GEMIN5: variants seen among roughly 807,000 people sequenced by gnomAD.
GEMIN5 encodes the protein gem-associated protein 5.
Under a neutral mutation model 176.9 loss-of-function variants are expected in GEMIN5, and 124 were observed. The observed-to-expected ratio is 0.70, with a 90% CI of 0.61 to 0.81. The LOEUF is 0.81. Among genes scored for constraint, GEMIN5 ranks in the 40% least tolerant of loss-of-function variants. The pLI is 0.00. For synonymous variants in GEMIN5, 673 were observed against 665.2 expected (o/e 1.01, Z -0.18); for missense variants, 1,843 against 1,814.6 (o/e 1.02, Z -0.28).
chr5:154,889,175 C>T, intron 27 of GEMIN5, 146 bp downstream of exon 27: 1 of 543,776 alleles, frequency 1.8e-6, no homozygotes, highest in South Asian at 2.6e-5. Flanking sequence ...CACGCCCAGC[C>T]TGGATTCTAA....
chr5:154,913,116 T>C, intron 13 of GEMIN5, 78 bp from the exon 14 acceptor site: 1 of 1,203,026 alleles, frequency 8.3e-7, no homozygotes, highest in Non-Finnish European at 1.2e-6. Flanking sequence ...AGGAAGGCAT[T>C]CACATGACAA....
chr5:154,888,393 A>G lies in GEMIN5; in HGVS notation c.4360-16T>C. 25 of 1,607,632 alleles carry G rather than the reference A, an allele frequency of 1.6e-5. No individual in the cohort carries two copies. Among genetic ancestry groups the G allele is most frequent in the Non-Finnish European group, 2.0e-5 (24 of 1,176,718 alleles). Reference sequence around the variant, plus strand: ...AGGGCCAGGCCTGAAAGACGATGACATGAGGATGAATAAGGAAGCATTTGC... The same window carrying G: ...AGGGCCAGGCCTGAAAGACGATGACGTGAGGATGAATAAGGAAGCATTTGC... On this transcript the variant is annotated splice_polypyrimidine_tract_variant and intron_variant, in intron 27 of 27. Transcript: ENST00000285873.
At position 154,907,811 on chromosome 5, in the gene GEMIN5, T is replaced by G. The variant is rs775734420; in HGVS notation, c.2175A>C (p.Lys725Asn). 5 of 1,612,120 alleles carry G rather than the reference T, an allele frequency of 3.1e-6. No individual in the cohort carries two copies. The highest frequency in any genetic ancestry group is 4.2e-6 in the Non-Finnish European group (5 of 1,178,856). Residue 725 changes from lysine to asparagine, a missense_variant, in exon 16 of 28, where the codon AAA becomes AAC. Transcript: ENST00000285873. ...GCCGTTTTTTCTCCAATTCAATACT[T>G]TTTTTGCCTACAAGAATCACAATAA... ...QDHSRPPQGK[K>N]SIELEKKRLS...
rs1764065906 is a variant in GEMIN5 at position 154,927,445 on chromosome 5, T to C, written c.1020A>G (p.Leu340=). 1 of 1,597,722 alleles carries C rather than the reference T, an allele frequency of 6.3e-7. No individual in the cohort carries two copies. The highest frequency in any genetic ancestry group is 1.1e-5 in the South Asian group (1 of 90,790). ...GQNHSRIVFN[L]CPLQTEDDKQ... is the part of the protein sequence containing the mutation. ...TGTCATCCTCTGTTTGTAAAGGACA[T>C]AAATTAAACACAATTCTTGAATGAT... The change falls in exon 7 of 28, where the codon TTA becomes TTG. Residue 340 remains leucine (L), a synonymous_variant. Transcript: ENST00000285873.
chr5:154,935,139 G>A (rs1450492756), intron 3 of GEMIN5, among the ~76,000 whole-genome samples: 1 of 152,076 alleles, frequency 6.6e-6, no homozygotes, highest in African/African-American at 2.4e-5. Flanking sequence ...CAGGTCCCTG[G>A]TATTTTCCAT....
rs1228983621 is a variant in GEMIN5 at position 154,917,166 on chromosome 5, A to G, written c.1687T>C (p.Phe563Leu). The change falls in exon 13 of 28, where the codon TTT (phenylalanine) becomes CTT (leucine). Residue 563 changes from phenylalanine to leucine, a missense_variant. Phe to Leu is a conservative substitution (Grantham distance 22). Coordinates refer to ENST00000285873, the MANE Select transcript of GEMIN5 (RefSeq NM_015465.5). ...LGNEDGSIEIFQIPNLKLICT... is the reference protein window; with the variant it reads ...LGNEDGSIEILQIPNLKLICT... ...ATCAGTTTCAGGTTGGGAATCTGAA[A>G]TATTTCTATTGATCTGGAATAAGAA... The G allele has an allele frequency of 3.3e-6, 5 of 1,502,032 alleles. No individual in the cohort carries two copies. The highest frequency in any genetic ancestry group is 4.5e-6 in the Non-Finnish European group (5 of 1,108,364). The allele number at this position is 1,502,032 out of a possible 1,614,324, so 93.0% of individuals were successfully genotyped here.
chr5:154,901,864 A>G (rs1398654034), intron 20 of GEMIN5, among the ~76,000 whole-genome samples: 1 of 152,066 alleles, frequency 6.6e-6, no homozygotes, highest in East Asian at 1.9e-4. Flanking sequence ...CAGTAGCACA[A>G]TAATGGCTCA....
At chr5:154,891,045 T>C (rs941007654) in intron 26 of GEMIN5, among the ~76,000 whole-genome samples, 196 bp downstream of exon 26, 19 of 144,656 alleles carry the variant, frequency 1.3e-4, no homozygotes, top group Non-Finnish European at 2.4e-4. Context: ...CGTGATCCAC[T>C]GTGCCCGGGC....
intron 10 of GEMIN5, among the ~76,000 whole-genome samples, chr5:154,920,603 G>T (rs773142560): frequency 3.5e-4 from 53 of 152,296 alleles, no homozygotes; most frequent in Non-Finnish European, 5.1e-4. Context: ...TTCTATAAGA[G>T]CAAGTTTTAC....
chr5:154,915,541 G>A (rs183841932), intron 13 of GEMIN5, among the ~76,000 whole-genome samples: 1 of 152,310 alleles, frequency 6.6e-6, no homozygotes, highest in Admixed American at 6.5e-5. Flanking sequence ...GCATGGAATA[G>A]TACTTGCTAG....
Position 154,910,313 on chromosome 5 carries a change from T to C in GEMIN5, c.2167+1414A>G, listed in dbSNP as rs534505093. Among the ~76,000 whole-genome samples, 7 of 149,642 alleles carry C rather than the reference T, an allele frequency of 4.7e-5. No homozygotes were observed. In the South Asian group the frequency reaches 1.5e-3, roughly 32 times the overall value. The stretch of plus-strand genomic sequence containing the variant: ...GTTTAATATATTCTTTCATTTAAAA[T>C]AAAAAAAAAACTTATTTCACAGAGA... On this transcript the variant is annotated intron_variant, in intron 15 of 27. Coordinates refer to ENST00000285873, the MANE Select transcript of GEMIN5 (RefSeq NM_015465.5).
At position 154,931,484 on chromosome 5, in the gene GEMIN5, C is replaced by A; in HGVS notation, c.755G>T (p.Arg252Leu). ...TCGGCCTCTAGAACAGCTCCAGATTCGAATGGTTTGATCTTTGCTTCCAGT... is the reference window on the plus strand; with the variant it reads ...TCGGCCTCTAGAACAGCTCCAGATTAGAATGGTTTGATCTTTGCTTCCAGT... Reference protein sequence around the residue: ...LATGSKDQTIRIWSCSRGRGV... With the variant: ...LATGSKDQTILIWSCSRGRGV... The change falls in exon 5 of 28, where the codon CGA becomes CTA. Residue 252 changes from arginine to leucine, a missense_variant. Physicochemically the swap from Arg to Leu is moderately radical, Grantham distance 102. Coordinates refer to ENST00000285873, the MANE Select transcript of GEMIN5 (RefSeq NM_015465.5). 1 of 1,612,684 alleles carries A rather than the reference C, an allele frequency of 6.2e-7. No homozygotes were observed. The highest frequency in any genetic ancestry group is 8.5e-7 in the Non-Finnish European group (1 of 1,178,826).
rs1203038551 is a variant in GEMIN5 at position 154,898,469 on chromosome 5, C to T, written c.3316G>A (p.Glu1106Lys). The change falls in exon 23 of 28, where the codon GAA becomes AAA. Residue 1106 changes from glutamate (E) to lysine (K), a missense_variant. Glu to Lys is a moderately conservative substitution (Grantham distance 56). Transcript: ENST00000285873. Reference sequence around the variant, plus strand: ...AGACTTTCATGCAGCTGCAGGGCTTCCTGGGCTCCCACCCAGTTGTTGGCC... The same window carrying T: ...AGACTTTCATGCAGCTGCAGGGCTTTCTGGGCTCCCACCCAGTTGTTGGCC... ...LLANNWVGAQ[E>K]ALQLHESLQG... 1.2e-6 allele frequency: 2 copies of T among 1,614,102 alleles called. No individual in the cohort carries two copies. The highest frequency in any genetic ancestry group is 4.5e-5 in the East Asian group (2 of 44,880).
Position 154,917,961 on chromosome 5 carries a change from C to T in GEMIN5, c.1643G>A (p.Gly548Asp), listed in dbSNP as rs140347499. 3.7e-6 allele frequency: 6 copies of T among 1,612,540 alleles called. No homozygotes were observed. The East Asian group carries it at 1.1e-4, about 30-fold the overall frequency. ...VHTEISWKADGKIMALGNEDG... is the reference protein window; with the variant it reads ...VHTEISWKADDKIMALGNEDG... ...TTCATTGCCAAGAGCCATGATTTTGCCATCTGCTTTCCAACTTATCTCTGT... is the reference window on the plus strand; with the variant it reads ...TTCATTGCCAAGAGCCATGATTTTGTCATCTGCTTTCCAACTTATCTCTGT... Residue 548 changes from glycine (G) to aspartate (D), a missense_variant, in exon 12 of 28, where the codon GGC (glycine) becomes GAC (aspartate). Gly to Asp is a moderately conservative substitution (Grantham distance 94). Coordinates refer to ENST00000285873, the MANE Select transcript of GEMIN5 (RefSeq NM_015465.5).
Position 154,932,252 on chromosome 5 carries a change from T to TA in GEMIN5, c.510-3dup. ...ATCACCACTATGCCATCCTTGTAGC[T>TA]AAAAAACAAGAGTTAGAAATATTAC... is the stretch of plus-strand genomic sequence containing the variant. On this transcript the variant is annotated splice_region_variant and splice_polypyrimidine_tract_variant and intron_variant, in intron 3 of 27. Transcript: ENST00000285873. 1 of 1,598,172 alleles carries TA rather than the reference T, an allele frequency of 6.3e-7. No individual in the cohort carries two copies. Among genetic ancestry groups the TA allele is most frequent in the Non-Finnish European group, 8.6e-7 (1 of 1,169,550 alleles).
At position 154,901,894 on chromosome 5, in the gene GEMIN5, G is replaced by A. The variant is rs188363991; in HGVS notation, c.2867-408C>T. 5.8e-4 allele frequency among the ~76,000 whole-genome samples: 88 copies of A among 151,920 alleles called. No homozygotes were observed. The East Asian group carries it at 0.014, about 25-fold the overall frequency. On this transcript the variant is annotated intron_variant, in intron 20 of 27. Coordinates refer to ENST00000285873, the MANE Select transcript of GEMIN5 (RefSeq NM_015465.5). ...GGCTCACTGCAGCCTTAACCTCCCC[G>A]GGCTCAGGTGATCCTCCCACCACAG...
At chr5:154,934,134 C>A (rs1176943720) in intron 3 of GEMIN5, among the ~76,000 whole-genome samples, 1 of 152,024 alleles carries the variant, frequency 6.6e-6, no homozygotes, top group African/African-American at 2.4e-5. Flanking sequence ...TCCTGCCTCA[C>A]CCTCCTGAGT....
rs1763709565 is a variant in GEMIN5, at chr5:154,911,899, C to T, written c.1996-1G>A. 6.2e-7 allele frequency: 1 copy of T among 1,613,190 alleles called. No homozygotes were observed. The highest frequency in any genetic ancestry group is 2.2e-5 in the East Asian group (1 of 44,874). On this transcript the variant is annotated splice_acceptor_variant, in intron 14 of 27. Transcript: ENST00000285873. LOFTEE classifies it high-confidence loss of function. ...GCTCTTCCCGGAGAGCATCCCACACCTAAACCCAAAAGCACATGGCCGAAA... is the reference window on the plus strand; with the variant it reads ...GCTCTTCCCGGAGAGCATCCCACACTTAAACCCAAAAGCACATGGCCGAAA...
chr5:154,911,342 T>TC (rs1763695222), intron 15 of GEMIN5, among the ~76,000 whole-genome samples: 4 of 151,952 alleles, frequency 2.6e-5, no homozygotes, highest in African/African-American at 7.3e-5. Context: ...CTAGATCCCG[T>TC]CTCTACTAAA....
Sources: gnomAD v4.1 joint callset for allele counts (sites outside exome capture counted in the v4.1 genomes callset) on GRCh38, gnomAD v4.1.1 for gene constraint, MANE v1.5 for transcripts, NCBI Gene and HGNC (gene_info 2026-07-23, HGNC 2026-07-21) for gene names.